The following GALNT13 variants were observed in gnomAD, a reference collection of about 807,000 sequenced individuals.
The protein encoded by GALNT13 is polypeptide N-acetylgalactosaminyltransferase 13.
Under a neutral mutation model 64.2 loss-of-function variants are expected in GALNT13, and 28 were observed. That is an observed-to-expected ratio of 0.44 (90% CI 0.32 to 0.60). The LOEUF (loss-of-function observed/expected upper bound fraction) is 0.60. Ranked by LOEUF, GALNT13 falls within the 20% of genes least tolerant of loss-of-function variation. GALNT13 has a pLI of 0.05. For synonymous variants in GALNT13, 214 were observed against 224.6 expected, an observed-to-expected ratio of 0.95 and a Z score of 0.42; for missense variants, 577 against 669.8, an observed-to-expected ratio of 0.86 and a Z score of 1.53.
intron 4 of GALNT13, among the ~76,000 whole-genome samples, chr2:154,146,348 G>A (rs569272656): frequency 6.6e-5 from 10 of 151,802 alleles, no homozygotes; most frequent in South Asian, 2.1e-4. Context: ...CAGAAAACAT[G>A]CCACATAACC....
the GALNT13 span, among the ~76,000 whole-genome samples, chr2:153,694,820 A>G: frequency 5.3e-5 from 8 of 152,166 alleles, no homozygotes; most frequent in Non-Finnish European, 2.9e-5. Context: ...CTAAGATACT[A>G]TGTCCGGACA....
intron 9 of GALNT13, among the ~76,000 whole-genome samples, chr2:154,394,548 C>A (rs1431717862): frequency 6.6e-6 from 1 of 152,100 alleles, no homozygotes; most frequent in African/African-American, 2.4e-5. Flanking sequence ...TTTTGCCTCC[C>A]CACCAGGCAC....
chr2:153,770,599 A>T, the GALNT13 span, among the ~76,000 whole-genome samples: 1 of 152,336 alleles, frequency 6.6e-6, no homozygotes, highest in Middle Eastern at 3.4e-3. Context: ...TCTCCCAGTA[A>T]ACAAGGATCA....
At chr2:153,096,870 A>G in the GALNT13 span, among the ~76,000 whole-genome samples, 1 of 152,256 alleles carries the variant, frequency 6.6e-6, no homozygotes, top group African/African-American at 2.4e-5. Flanking sequence ...ATTCAATGTT[A>G]TTATTGACAA....
At chr2:154,322,987 T>C (rs527320767) in intron 9 of GALNT13, among the ~76,000 whole-genome samples, 17 of 151,864 alleles carry the variant, frequency 1.1e-4, no homozygotes, top group African/African-American at 3.6e-4. Flanking sequence ...AATCTCGGGG[T>C]ACTCAGATAA....
intron 2 of GALNT13, among the ~76,000 whole-genome samples, chr2:153,914,179 A>G (rs1689171417): frequency 6.6e-6 from 1 of 152,188 alleles, no homozygotes. Flanking sequence ...AACAATGCTG[A>G]ATGAACACAG....
the GALNT13 span, among the ~76,000 whole-genome samples, chr2:153,667,520 C>A: frequency 2.0e-5 from 3 of 152,272 alleles, no homozygotes; most frequent in Middle Eastern, 6.8e-3. Flanking sequence ...CATATCTAGC[C>A]AAACTAAGCT....
chr2:153,219,261 T>TA, the GALNT13 span, among the ~76,000 whole-genome samples: 2 of 152,308 alleles, frequency 1.3e-5, no homozygotes, highest in East Asian at 1.9e-4. Flanking sequence ...AATGAAAACT[T>TA]AGAGTTTTGA....
downstream of GALNT13, chr2:154,454,511 A>G (rs1702001941): frequency 6.6e-6 from 1 of 152,008 alleles, no homozygotes; most frequent in Non-Finnish European, 1.5e-5. Flanking sequence ...AAAAATACAA[A>G]AATTAGCTGG....
chr2:153,215,647 T>C, the GALNT13 span, among the ~76,000 whole-genome samples: 7 of 152,222 alleles, frequency 4.6e-5, no homozygotes, highest in South Asian at 1.0e-3. Context: ...CTTTCTCTAG[T>C]ATTCTGTCCA....
intron 9 of GALNT13, among the ~76,000 whole-genome samples, chr2:154,340,184 A>G (rs549554457): frequency 6.6e-6 from 1 of 152,214 alleles, no homozygotes; most frequent in East Asian, 1.9e-4. Flanking sequence ...CTTGGTCAAA[A>G]TATGTTTCCC....
the GALNT13 span, among the ~76,000 whole-genome samples, chr2:153,583,063 C>A: frequency 2.0e-5 from 3 of 152,158 alleles, no homozygotes; most frequent in African/African-American, 7.2e-5. Context: ...TAATTAATCA[C>A]AAACATTATA....
chr2:153,210,593 C>G, the GALNT13 span, among the ~76,000 whole-genome samples: 7 of 152,270 alleles, frequency 4.6e-5, no homozygotes, highest in African/African-American at 1.7e-4. Flanking sequence ...ATTCGTCACA[C>G]ATAAACTTGG....
At chr2:153,719,280 C>T in the GALNT13 span, among the ~76,000 whole-genome samples, 1 of 152,182 alleles carries the variant, frequency 6.6e-6, no homozygotes. Context: ...AGATACTTAA[C>T]TTATCTATAG....
At chr2:154,091,771 T>G (rs1364551022) in intron 3 of GALNT13, among the ~76,000 whole-genome samples, 2 of 151,914 alleles carry the variant, frequency 1.3e-5, no homozygotes, top group Non-Finnish European at 2.9e-5. Flanking sequence ...ATGGTTAAAC[T>G]GAAAGGCCTT....
chr2:153,478,998 T>G, the GALNT13 span, among the ~76,000 whole-genome samples: 1 of 152,246 alleles, frequency 6.6e-6, no homozygotes, highest in Non-Finnish European at 1.5e-5. Context: ...TGCTTTTTAT[T>G]GCTTGCTTCT....
chr2:153,976,210 T>G (rs966190590), intron 3 of GALNT13, among the ~76,000 whole-genome samples: 9 of 152,164 alleles, frequency 5.9e-5, no homozygotes, highest in African/African-American at 2.2e-4. Context: ...CATTTTATCC[T>G]CAGTGCTTAG....
the GALNT13 span, among the ~76,000 whole-genome samples, chr2:153,513,006 G>C: frequency 6.6e-6 from 1 of 152,112 alleles, no homozygotes; most frequent in African/African-American, 2.4e-5. Context: ...AAAATATTCT[G>C]AGAAAAGAAA....
the GALNT13 span, among the ~76,000 whole-genome samples, chr2:153,798,524 T>G: frequency 0.86 from 131,444 of 152,096 alleles, 57,731 homozygotes; most frequent in Non-Finnish European, 0.91. Context: ...ATTGCAAATT[T>G]AATTACAAAA....
Sources: gnomAD v4.1 joint callset for allele counts (sites outside exome capture counted in the v4.1 genomes callset) on GRCh38, gnomAD v4.1.1 for gene constraint, MANE v1.5 for transcripts, NCBI Gene and HGNC (gene_info 2026-07-23, HGNC 2026-07-21) for gene names.